The following PSD3 variants were observed in gnomAD, a reference collection of about 807,000 sequenced individuals.
PSD3 encodes the protein PH and SEC7 domain-containing protein 3.
A neutral mutation model predicts 105.5 loss-of-function variants in PSD3; 49 were observed. The observed-to-expected ratio is 0.46, with a 90% CI of 0.37 to 0.59. The LOEUF is 0.59. Among genes scored for constraint, PSD3 ranks in the 20% least tolerant of loss-of-function variants. The pLI, the probability that PSD3 is intolerant of heterozygous loss-of-function variation, is 0.00. For synonymous variants in PSD3, 557 were observed against 457.8 expected, an observed-to-expected ratio of 1.22 and a Z score of -2.77; for missense variants, 1,561 against 1,263.8, an observed-to-expected ratio of 1.24 and a Z score of -3.57.
intron 1 of PSD3, among the ~76,000 whole-genome samples, chr8:19,026,538 A>C (rs935137606): frequency 6.6e-6 from 1 of 152,040 alleles, no homozygotes; most frequent in Admixed American, 6.6e-5. Context: ...CACTGGGTAT[A>C]TTGCCTATCA....
chr8:18,622,633 A>C (rs749422059), intron 11 of PSD3, among the ~76,000 whole-genome samples: 2 of 152,196 alleles, frequency 1.3e-5, no homozygotes, highest in Non-Finnish European at 2.9e-5. Flanking sequence ...TAAGTGTACA[A>C]TTTGATGTTT....
intron 1 of PSD3, among the ~76,000 whole-genome samples, chr8:19,034,557 G>C (rs137911878): frequency 2.0e-5 from 3 of 152,182 alleles, no homozygotes; most frequent in African/African-American, 7.2e-5. Context: ...AGAGCTGACA[G>C]TCATGCATCA....
chr8:18,818,952 C>A (rs1244783209), intron 4 of PSD3, among the ~76,000 whole-genome samples: 1 of 152,100 alleles, frequency 6.6e-6, no homozygotes, highest in Non-Finnish European at 1.5e-5. Flanking sequence ...GAATTCAGGG[C>A]ATGTCTGCCT....
intron 1 of PSD3, among the ~76,000 whole-genome samples, chr8:19,066,655 G>C (rs190585903): frequency 9.1e-4 from 138 of 152,314 alleles, no homozygotes; most frequent in Admixed American, 2.0e-3. Flanking sequence ...CTAGTTGTGA[G>C]CCTTGGGGAT....
Position 18,584,864 on chromosome 8 carries a change from A to AT in PSD3, c.2482-9580dup, listed in dbSNP as rs1466142879. Among the ~76,000 whole-genome samples, 11 of 152,234 alleles carry AT rather than the reference A, an allele frequency of 7.2e-5. No individual in the cohort carries two copies. The East Asian group carries it at 1.4e-3, about 19-fold the overall frequency. On this transcript the variant is annotated intron_variant, in intron 12 of 15. Coordinates refer to ENST00000327040, the MANE Select transcript of PSD3 (RefSeq NM_015310.4). ...AACGGGTATGTAGAGCCTATGGCTTATTTTTTCATAAAGGGACTATCTAAA... is the reference window on the plus strand; with the variant it reads ...AACGGGTATGTAGAGCCTATGGCTTATTTTTTTCATAAAGGGACTATCTAAA...
chr8:18,731,535 G>A (rs1286218228), intron 9 of PSD3, among the ~76,000 whole-genome samples: 1 of 152,164 alleles, frequency 6.6e-6, no homozygotes. Context: ...AGGACAGCTT[G>A]AGGAAAGGAA....
intron 2 of PSD3, among the ~76,000 whole-genome samples, chr8:18,899,324 T>A (rs1819350847): frequency 6.6e-6 from 1 of 152,192 alleles, no homozygotes; most frequent in Admixed American, 6.5e-5. Flanking sequence ...ATTTTCTTGA[T>A]TGGCTCAAAT....
At position 18,529,961 on chromosome 8, in the gene PSD3, T is replaced by C. The variant is rs183785753; in HGVS notation, c.*5782A>G. On this transcript the variant is annotated 3_prime_UTR_variant, in exon 16 of 16. Transcript: ENST00000327040. Reference sequence around the variant, plus strand: ...AAATGATATATTTGCAAAAATAGTTTGAGACTATAGAGTTAATTAACAACA... The same window carrying C: ...AAATGATATATTTGCAAAAATAGTTCGAGACTATAGAGTTAATTAACAACA... The C allele has an allele frequency of 3.3e-5, 5 of 152,418 alleles. No individual in the cohort carries two copies. The East Asian group carries it at 9.7e-4, about 29-fold the overall frequency. The allele number at this position is 152,418 out of a possible 1,614,324, so 9.4% of individuals were successfully genotyped here.
At chr8:18,845,537 A>G (rs1420755426) in intron 4 of PSD3, among the ~76,000 whole-genome samples, 2 of 152,188 alleles carry the variant, frequency 1.3e-5, no homozygotes, top group East Asian at 3.9e-4. Context: ...CACTGTGGGC[A>G]GTGTCAGCCA....
intron 2 of PSD3, among the ~76,000 whole-genome samples, chr8:18,891,911 C>T (rs992114725): frequency 2.0e-5 from 3 of 152,022 alleles, no homozygotes; most frequent in African/African-American, 7.3e-5. Flanking sequence ...GTATTCATTC[C>T]TTTTTACAAA....
In PSD3 at chr8:18,556,434, T is replaced by C. The variant is rs1038305538; in HGVS notation, c.2785-82A>G. ...GCACAGCATACTTTAAAAAATCCCC[T>C]GTGCTGAATGACTTTAATTCACTAA... On this transcript the variant is annotated intron_variant, in intron 14 of 15. Coordinates refer to ENST00000327040, the MANE Select transcript of PSD3 (RefSeq NM_015310.4). 11 of 1,423,066 alleles carry C rather than the reference T, an allele frequency of 7.7e-6. No individual in the cohort carries two copies. The African/African-American group carries it at 1.6e-4, about 20-fold the overall frequency. 88.2% of individuals were successfully genotyped at this position (1,423,066 alleles called of 1,614,324 possible).
intron 1 of PSD3, among the ~76,000 whole-genome samples, chr8:18,946,566 C>CAACA (rs61010097): frequency 0.66 from 98,858 of 149,974 alleles, 32,490 homozygotes; most frequent in Non-Finnish European, 0.67. Flanking sequence ...GGGCATGGAA[C>CAACA]AACACCTTGT....
intron 11 of PSD3, among the ~76,000 whole-genome samples, chr8:18,603,528 C>G (rs1804590682): frequency 6.6e-6 from 1 of 152,094 alleles, no homozygotes; most frequent in Non-Finnish European, 1.5e-5. Flanking sequence ...TTAAAAATTC[C>G]AAGTTGATAA....
chr8:18,958,678 T>G (rs1024751027), intron 1 of PSD3, among the ~76,000 whole-genome samples: 2 of 152,096 alleles, frequency 1.3e-5, no homozygotes, highest in African/African-American at 4.8e-5. Context: ...TTTACCACAC[T>G]GATAGATGAA....
chr8:18,951,122 T>C (rs1823210506), intron 1 of PSD3, among the ~76,000 whole-genome samples: 1 of 152,156 alleles, frequency 6.6e-6, no homozygotes, highest in Non-Finnish European at 1.5e-5. Context: ...GAAAAGGGCA[T>C]GGTGGCTCAT....
intron 1 of PSD3, among the ~76,000 whole-genome samples, chr8:19,057,013 G>C (rs979516205): frequency 6.6e-6 from 1 of 152,042 alleles, no homozygotes; most frequent in African/African-American, 2.4e-5. Flanking sequence ...CTATACGCCG[G>C]TTTGCCTCTA....
At position 18,732,817 on chromosome 8, in the gene PSD3, C is replaced by CT. The variant is rs1301230764; in HGVS notation, c.2172+32631dup. ...GAGAACTCCAAGTGATCATTTCTTC[C>CT]TTTTTTTTTTATTTTTTTTTCACAG... On this transcript the variant is annotated intron_variant, in intron 9 of 15. Coordinates refer to ENST00000327040, the MANE Select transcript of PSD3 (RefSeq NM_015310.4). 1,272 of 149,490 alleles carry CT rather than the reference C, an allele frequency of 8.5e-3. 12 individuals carry two copies. The highest frequency in any genetic ancestry group is 0.025 in the African/African-American group (1,015 of 40,764). The allele number at this position is 149,490 out of a possible 1,614,324, so 9.3% of individuals were successfully genotyped here.
rs1424525824 is a variant in PSD3 at position 18,656,214 on chromosome 8, C to T, written c.2173-529G>A. 2.6e-5 allele frequency among the ~76,000 whole-genome samples: 4 copies of T among 152,146 alleles called. No homozygotes were observed. The South Asian group carries it at 8.3e-4, about 32-fold the overall frequency. On this transcript the variant is annotated intron_variant, in intron 9 of 15. Transcript: ENST00000327040. Reference sequence around the variant, plus strand: ...CTGGGATTACAGGCGTGTGCCACCACACCTGGCTAATTTTTGTATTTTTAG... The same window carrying T: ...CTGGGATTACAGGCGTGTGCCACCATACCTGGCTAATTTTTGTATTTTTAG...
At chr8:18,793,366 A>G (rs1016367670) in intron 8 of PSD3, among the ~76,000 whole-genome samples, 2 of 114,284 alleles carry the variant, frequency 1.8e-5, no homozygotes, top group Non-Finnish European at 4.1e-5. Flanking sequence ...GTAAGGTATC[A>G]AAATAGAAAA....
Sources: gnomAD v4.1 joint callset for allele counts (sites outside exome capture counted in the v4.1 genomes callset) on GRCh38, gnomAD v4.1.1 for gene constraint, MANE v1.5 for transcripts, NCBI Gene and HGNC (gene_info 2026-07-23, HGNC 2026-07-21) for gene names.